The following CFAP43 variants were observed in gnomAD, a reference collection of about 807,000 sequenced individuals.
CFAP43 encodes cilia and flagella associated protein 43.
A neutral mutation model predicts 218.9 loss-of-function variants in CFAP43; 155 were observed. The observed-to-expected ratio is 0.71, with a 90% confidence interval of 0.62 to 0.81. The LOEUF (loss-of-function observed/expected upper bound fraction) is 0.81. CFAP43 is among the 30% of genes least tolerant of loss of function. CFAP43 has a pLI of 0.00. For missense variants in CFAP43, 1,778 were observed against 1,954.3 expected, an observed-to-expected ratio of 0.91 and a Z score of 1.70; for synonymous variants, 645 against 681.3, an observed-to-expected ratio of 0.95 and a Z score of 0.83.
chr10:104,202,234 C>T (rs1018003162), intron 8 of CFAP43, among the ~76,000 whole-genome samples: 3 of 152,182 alleles, frequency 2.0e-5, no homozygotes, highest in Non-Finnish European at 2.9e-5. Context: ...TACATTATTG[C>T]CACAGAGAAG....
intron 19 of CFAP43, among the ~76,000 whole-genome samples, chr10:104,176,227 T>C (rs1337395389): frequency 6.6e-6 from 1 of 152,152 alleles, no homozygotes; most frequent in Non-Finnish European, 1.5e-5. Context: ...AGAGAAGACA[T>C]TGCAAATCAG....
Position 104,214,275 on chromosome 10 carries a change from G to A in CFAP43, c.568C>T (p.His190Tyr), listed in dbSNP as rs1478501984. The A allele has an allele frequency of 1.6e-5, 25 of 1,590,946 alleles. No individual in the cohort carries two copies. Among genetic ancestry groups the A allele is most frequent in the Non-Finnish European group, 2.1e-5 (24 of 1,169,986 alleles). ...GGCTCCTACCTTGCTCTGAAACAAT[G>A]CTCCTGGTTACTTCTTTCAATGGTC... ...VWTIERSNQE[H>Y]CFRARSVKLP... is the part of the protein sequence containing the mutation. Residue 190 changes from histidine to tyrosine, a missense_variant, in exon 4 of 38, where the codon CAT becomes TAT. His to Tyr is a moderately conservative substitution (Grantham distance 83). Transcript: ENST00000357060.
chr10:104,186,139 A>T lies in CFAP43; in HGVS notation c.1861-16T>A. ...CGGTATGTTCCTGCCAATCAAAGAA[A>T]ATAACCACATTATAGAAAAGATCAG... is the stretch of plus-strand genomic sequence containing the variant. On this transcript the variant is annotated splice_polypyrimidine_tract_variant and intron_variant, in intron 14 of 37. Transcript: ENST00000357060. 6.8e-7 allele frequency: 1 copy of T among 1,472,194 alleles called. No homozygotes were observed. The highest frequency in any genetic ancestry group is 9.0e-7 in the Non-Finnish European group (1 of 1,112,464). 91.2% of individuals were successfully genotyped at this position (1,472,194 alleles called of 1,614,324 possible). A position where few individuals can be genotyped will look rare whatever the true frequency, so the allele number is the denominator to read the frequency against.
chr10:104,193,196 C>G (rs978179020), intron 11 of CFAP43: 1 of 152,118 alleles, frequency 6.6e-6, no homozygotes, highest in African/African-American at 2.4e-5. Flanking sequence ...TTGAAATACT[C>G]TAAATGTTCA....
intron 30 of CFAP43, 119 bp from the exon 31 acceptor site, chr10:104,145,683 A>G (rs551601714): frequency 3.7e-5 from 21 of 566,502 alleles, no homozygotes; most frequent in Non-Finnish European, 6.4e-5. Flanking sequence ...TGAAACCTTG[A>G]TTTACAAAGT....
chr10:104,187,607 G>A, intron 13 of CFAP43, 115 bp from the exon 14 acceptor site: 1 of 861,054 alleles, frequency 1.2e-6, no homozygotes, highest in Non-Finnish European at 1.6e-6. Flanking sequence ...AACTAATATT[G>A]CGGAAGCTAG....
chr10:104,195,927 G>A (rs1234758629), intron 10 of CFAP43, among the ~76,000 whole-genome samples: 1 of 152,170 alleles, frequency 6.6e-6, no homozygotes, highest in Non-Finnish European at 1.5e-5. Context: ...CCCATTTCCA[G>A]GGCTGAGTTT....
Position 104,141,092 on chromosome 10 carries a change from G to A in CFAP43, c.4272-91C>T, listed in dbSNP as rs988510163. 14 of 1,306,082 alleles carry A rather than the reference G, an allele frequency of 1.1e-5. No individual in the cohort carries two copies. The African/African-American group carries it at 1.8e-4, about 17-fold the overall frequency. The allele number at this position is 1,306,082 out of a possible 1,614,324, so 80.9% of individuals were successfully genotyped here. A position where few individuals can be genotyped will look rare whatever the true frequency, so the allele number is the denominator to read the frequency against. On this transcript the variant is annotated intron_variant, in intron 33 of 37. Coordinates refer to ENST00000357060, the MANE Select transcript of CFAP43 (RefSeq NM_025145.7). ...AATATAAAAATCGAATCAGCTTAAG[G>A]AAAACATGCTGGAGATTAGTGTGGA... is the stretch of plus-strand genomic sequence containing the variant.
At chr10:104,146,423 A>C (rs1411742688) in intron 29 of CFAP43, 74 bp from the exon 30 acceptor site, 18 of 1,104,106 alleles carry the variant, frequency 1.6e-5, no homozygotes, top group Non-Finnish European at 2.5e-5. Context: ...GGGATACTAA[A>C]AAGAGCAAGG....
At chr10:104,223,239 G>T (rs2091228948) in intron 3 of CFAP43, among the ~76,000 whole-genome samples, 1 of 151,860 alleles carries the variant, frequency 6.6e-6, no homozygotes, top group Admixed American at 6.6e-5. Flanking sequence ...TTTGAGAAAG[G>T]TTATACAGAT....
rs1461149728 is a variant in CFAP43, at chr10:104,143,605, TG to T, written c.3978del (p.Ser1327AlafsTer14). On this transcript the variant is annotated frameshift_variant, in exon 32 of 38. Coordinates refer to ENST00000357060, the MANE Select transcript of CFAP43 (RefSeq NM_025145.7). LOFTEE classifies it high-confidence loss of function. ...GGTAGTTCTCCGAAAGGGACAACGC[TG>T]GTTGTTTCTGAGTGCGTTTTCTGTT... ...ISKQKTHSETTSVVPFGELPG... is the reference protein window; with the variant it reads ...ISKQKTHSETXSVVPFGELPG... 6.2e-7 allele frequency: 1 copy of T among 1,614,208 alleles called. No individual in the cohort carries two copies. The highest frequency in any genetic ancestry group is 1.7e-5 in the Admixed American group (1 of 60,030).
intron 2 of CFAP43, among the ~76,000 whole-genome samples, chr10:104,229,348 C>A (rs1394429274): frequency 6.6e-6 from 1 of 152,052 alleles, no homozygotes; most frequent in African/African-American, 2.4e-5. Context: ...TGTGGGTCAG[C>A]TGTATCTAAG....
chr10:104,158,333 C>A (rs1013217381), intron 27 of CFAP43, among the ~76,000 whole-genome samples: 5 of 152,096 alleles, frequency 3.3e-5, no homozygotes, highest in African/African-American at 1.2e-4. Context: ...TCTGGAGAAA[C>A]CTTCTTTCCA....
rs2089995645 is a variant in CFAP43 at position 104,185,275 on chromosome 10, A to T, written c.2011-129T>A. 4.1e-6 allele frequency: 5 copies of T among 1,231,012 alleles called. 1 individual carries two copies. Among genetic ancestry groups the T allele is most frequent in the Admixed American group, 2.2e-5 (1 of 45,494 alleles). The allele number at this position is 1,231,012 out of a possible 1,614,324, so 76.3% of individuals were successfully genotyped here. On this transcript the variant is annotated intron_variant, in intron 15 of 37. Transcript: ENST00000357060. ...ATTTGCTAACAGCATTTTAATTGGT[A>T]TGGAAGTAGGCAATTGGCAATACAT...
rs142170607 is a variant in CFAP43 at position 104,155,691 on chromosome 10, T to A, written c.3541-2965A>T. Among the ~76,000 whole-genome samples, 23 of 151,678 alleles carry A rather than the reference T, an allele frequency of 1.5e-4. No homozygotes were observed. The East Asian group carries it at 4.5e-3, about 30-fold the overall frequency. On this transcript the variant is annotated intron_variant, in intron 27 of 37. Transcript: ENST00000357060. ...ATAGGAAGATGAGGTGACAATTGAG[T>A]AGAGATCTCAAAGTGGTGAGAATGT...
rs1194727788 is a variant in CFAP43 at position 104,164,274 on chromosome 10, AAC to A, written c.3064_3065del (p.Val1022PhefsTer3). On this transcript the variant is annotated frameshift_variant, in exon 24 of 38. Transcript: ENST00000357060. LOFTEE classifies it high-confidence loss of function. ...LKDIIYKVKT[V>X]FNNEFDAAYK... is the part of the protein sequence containing the mutation. Reference sequence around the variant, plus strand: ...ATGCAGCGTCAAACTCATTATTGAAAACAGTTTTTACCTTGTAAATGATATCC... The same window carrying A: ...ATGCAGCGTCAAACTCATTATTGAAAAGTTTTTACCTTGTAAATGATATCC... The A allele has an allele frequency of 2.5e-6, 4 of 1,607,580 alleles. No individual in the cohort carries two copies. Among genetic ancestry groups the A allele is most frequent in the African/African-American group, 1.3e-5 (1 of 74,860 alleles).
At position 104,185,129 on chromosome 10, in the gene CFAP43, A is replaced by G. The variant is rs201268388; in HGVS notation, c.2028T>C (p.Cys676=). 112 of 1,613,748 alleles carry G rather than the reference A, an allele frequency of 6.9e-5. No homozygotes were observed. Among genetic ancestry groups the G allele is most frequent in the Non-Finnish European group, 8.9e-5 (105 of 1,179,970 alleles). ...CATGACCCTGGTGAGAATGACTCCG[A>G]CACCAAGCAAATGTTTCCTCAATAG... ...DVYTLETFAW[C]RSHSHQGHGI... is the part of the protein sequence containing the mutation. The change falls in exon 16 of 38, where the codon TGT becomes TGC. Residue 676 remains cysteine, a synonymous_variant. Transcript: ENST00000357060.
chr10:104,144,446 C>G (rs1373239474), intron 31 of CFAP43, among the ~76,000 whole-genome samples: 2 of 152,084 alleles, frequency 1.3e-5, no homozygotes, highest in East Asian at 1.9e-4. Flanking sequence ...GTCAGGAGAT[C>G]GAGATCATCC....
intron 34 of CFAP43, among the ~76,000 whole-genome samples, chr10:104,139,798 A>C (rs924191438): frequency 2.6e-5 from 4 of 152,210 alleles, no homozygotes; most frequent in African/African-American, 9.6e-5. Context: ...TGAAATAAAG[A>C]TCTTTTGAAA....
Sources: allele counts gnomAD v4.1 joint callset (sites outside exome capture counted in the v4.1 genomes callset), GRCh38; gene constraint gnomAD v4.1.1; transcripts MANE v1.5; gene names NCBI Gene and HGNC (gene_info 2026-07-23, HGNC 2026-07-21).